The following KIF13A variants were observed in gnomAD, a reference collection of about 807,000 sequenced individuals.
The protein encoded by KIF13A is kinesin-like protein KIF13A.
In KIF13A, 79 loss-of-function variants were observed where a neutral mutation model predicts 212.2. That is an observed-to-expected ratio of 0.37 (90% CI 0.31 to 0.45). The LOEUF is 0.45. KIF13A is among the 20% of genes least tolerant of loss of function. KIF13A has a pLI of 1.00. For synonymous variants in KIF13A, 789 were observed against 808.6 expected (o/e 0.98, Z 0.41); for missense variants, 1,901 against 2,209.0 (o/e 0.86, Z 2.79).
intron 2 of KIF13A, among the ~76,000 whole-genome samples, chr6:17,952,953 C>T (rs10456815): frequency 0.057 from 8,589 of 149,506 alleles, 341 homozygotes; most frequent in East Asian, 0.19. Context: ...AGAAGCGAAG[C>T]GAAGAGGGGA....
chr6:17,779,702 A>G lies in KIF13A; in HGVS notation c.3847-18T>C. The stretch of plus-strand genomic sequence containing the variant: ...GTGAAACTCTAGTAGAAAAAAAAAA[A>G]AGCTGTATTAAGCTATGTGACAAAT... On this transcript the variant is annotated intron_variant, in intron 31 of 38. Coordinates refer to ENST00000259711, the MANE Select transcript of KIF13A (RefSeq NM_022113.6). 1 of 1,072,836 alleles carries G rather than the reference A, an allele frequency of 9.3e-7. No individual in the cohort carries two copies. The highest frequency in any genetic ancestry group is 1.4e-6 in the Non-Finnish European group (1 of 718,842). The allele number at this position is 1,072,836 out of a possible 1,614,324, so 66.5% of individuals were successfully genotyped here.
At chr6:17,863,928 C>T (rs1769104849) in intron 4 of KIF13A, among the ~76,000 whole-genome samples, 1 of 152,096 alleles carries the variant, frequency 6.6e-6, no homozygotes, top group Admixed American at 6.6e-5. Flanking sequence ...GCTGTTTACG[C>T]TGAGTGGTGG....
chr6:17,958,908 G>T (rs866236409), intron 2 of KIF13A, among the ~76,000 whole-genome samples: 39 of 122,892 alleles, frequency 3.2e-4, no homozygotes, highest in African/African-American at 1.2e-3. Context: ...TTGAGACAGG[G>T]TCTCACTCTG....
At chr6:17,955,633 C>G (rs1386197968) in intron 2 of KIF13A, among the ~76,000 whole-genome samples, 2 of 152,156 alleles carry the variant, frequency 1.3e-5, no homozygotes, top group African/African-American at 4.8e-5. Flanking sequence ...AGCAGTGCAA[C>G]TAATCTTAAT....
At position 17,865,326 on chromosome 6, in the gene KIF13A, GAAA is replaced by G. The variant is rs397750597; in HGVS notation, c.220+8048_220+8050del. Among the ~76,000 whole-genome samples, 3 of 112,892 alleles carry G rather than the reference GAAA, an allele frequency of 2.7e-5. No individual in the cohort carries two copies. The South Asian group carries it at 8.1e-4, about 31-fold the overall frequency. The allele number at this position is 112,892 out of a possible 152,430, so 74.1% of individuals were successfully genotyped here. A position where few individuals can be genotyped will look rare whatever the true frequency, so the allele number is the denominator to read the frequency against. ...TTGGAATCAGAGTAGAGAGAGAGAG[GAAA>G]AAAAAAAAATAAAGGCTGGGCTCAC... is the stretch of plus-strand genomic sequence containing the variant. On this transcript the variant is annotated intron_variant, in intron 4 of 38. Transcript: ENST00000259711.
chr6:17,974,904 G>A (rs936106043), intron 2 of KIF13A, among the ~76,000 whole-genome samples: 1 of 152,012 alleles, frequency 6.6e-6, no homozygotes, highest in Non-Finnish European at 1.5e-5. Context: ...GATCACATAG[G>A]GCTACTGGCT....
At position 17,856,600 on chromosome 6, in the gene KIF13A, T is replaced by C. The variant is rs946597211; in HGVS notation, c.221-478A>G. On this transcript the variant is annotated intron_variant, in intron 4 of 38. Coordinates refer to ENST00000259711, the MANE Select transcript of KIF13A (RefSeq NM_022113.6). This position sits in a 1 kb window ranked among gnomAD's most constrained non-coding sequence, Gnocchi z 4.5. ...TAGTTGCTGAGGATGGATTGACAACTTCAGCTGCTGTTTGTAGATTCACAG... is the reference window on the plus strand; with the variant it reads ...TAGTTGCTGAGGATGGATTGACAACCTCAGCTGCTGTTTGTAGATTCACAG... 2.6e-5 allele frequency among the ~76,000 whole-genome samples: 4 copies of C among 152,316 alleles called. No individual in the cohort carries two copies. Among genetic ancestry groups the C allele is most frequent in the Non-Finnish European group, 5.9e-5 (4 of 68,018 alleles).
intron 2 of KIF13A, among the ~76,000 whole-genome samples, chr6:17,952,104 C>A (rs1248208872): frequency 6.6e-6 from 1 of 151,646 alleles, no homozygotes; most frequent in Non-Finnish European, 1.5e-5. Flanking sequence ...GAGATGGAGA[C>A]CATGCTGGTT....
intron 4 of KIF13A, among the ~76,000 whole-genome samples, chr6:17,862,804 T>C (rs1388006934): frequency 6.6e-6 from 1 of 151,920 alleles, no homozygotes; most frequent in Non-Finnish European, 1.5e-5. Flanking sequence ...AAAAATTAGC[T>C]GGGCATGGTG....
chr6:17,849,538 A>C lies in KIF13A; in HGVS notation c.718-49T>G. 1 of 1,311,372 alleles carries C rather than the reference A, an allele frequency of 7.6e-7. No homozygotes were observed. Among genetic ancestry groups the C allele is most frequent in the Admixed American group, 1.9e-5 (1 of 54,038 alleles). 81.2% of individuals were successfully genotyped at this position (1,311,372 alleles called of 1,614,324 possible). ...GAAGAAAAACTTATCAATAAAAACCACATGGATATCTACATATATGTTAGC... is the reference window on the plus strand; with the variant it reads ...GAAGAAAAACTTATCAATAAAAACCCCATGGATATCTACATATATGTTAGC... On this transcript the variant is annotated intron_variant, in intron 8 of 38. Transcript: ENST00000259711. The surrounding 1 kb of genome is among the most constrained non-coding windows in gnomAD (Gnocchi z 5.7).
intron 3 of KIF13A, among the ~76,000 whole-genome samples, chr6:17,882,310 C>G (rs994519094): frequency 1.3e-5 from 2 of 152,142 alleles, no homozygotes; most frequent in African/African-American, 4.8e-5. Flanking sequence ...TGCTTACAGT[C>G]TAGTTAAAAA....
In KIF13A at chr6:17,788,828, G is replaced by A. The variant is rs550086322; in HGVS notation, c.3262-953C>T. ...CAACCTCTGCCTCCTAGGTTTAAGCGATTCTCCTGCCTCAGCCTCCCGAGT... is the reference window on the plus strand; with the variant it reads ...CAACCTCTGCCTCCTAGGTTTAAGCAATTCTCCTGCCTCAGCCTCCCGAGT... On this transcript the variant is annotated intron_variant, in intron 26 of 38. Coordinates refer to ENST00000259711, the MANE Select transcript of KIF13A (RefSeq NM_022113.6). Among the ~76,000 whole-genome samples, 5 of 152,200 alleles carry A rather than the reference G, an allele frequency of 3.3e-5. No homozygotes were observed. The South Asian group carries it at 8.3e-4, about 25-fold the overall frequency.
intron 3 of KIF13A, among the ~76,000 whole-genome samples, chr6:17,874,999 G>GCGCACACACACA (rs913365480): frequency 1.7e-5 from 2 of 120,266 alleles, no homozygotes; most frequent in Non-Finnish European, 3.6e-5. Context: ...ACACGCACAC[G>GCGCACACACACA]CACGCACACA....
rs1286441894 is a variant in KIF13A, at chr6:17,837,613, A to G, written c.831-30T>C. 1 of 1,390,832 alleles carries G rather than the reference A, an allele frequency of 7.2e-7. No homozygotes were observed. The highest frequency in any genetic ancestry group is 2.4e-5 in the East Asian group (1 of 41,260). The allele number at this position is 1,390,832 out of a possible 1,614,324, so 86.2% of individuals were successfully genotyped here. A position where few individuals can be genotyped will look rare whatever the true frequency, so the allele number is the denominator to read the frequency against. On this transcript the variant is annotated intron_variant, in intron 9 of 38. Coordinates refer to ENST00000259711, the MANE Select transcript of KIF13A (RefSeq NM_022113.6). This position sits in a 1 kb window ranked among gnomAD's most constrained non-coding sequence, Gnocchi z 5.4. ...CAAGAAAAAATGAAAAATTAGTTTT[A>G]TGGAATGTTTATTTGGTTTAAGTAT...
chr6:17,797,387 C>T (rs149507521), intron 22 of KIF13A, among the ~76,000 whole-genome samples: 17 of 152,184 alleles, frequency 1.1e-4, no homozygotes, highest in African/African-American at 2.6e-4. Flanking sequence ...CAAAGTCATA[C>T]GGTTTGTTAG....
chr6:17,866,826 CGCATATATATAT>C (rs1261480460), intron 4 of KIF13A, among the ~76,000 whole-genome samples: 2,509 of 121,944 alleles, frequency 0.021, 113 homozygotes, highest in South Asian at 0.026. Context: ...AAAAAAGCAG[CGCATATATATAT>C]ATATATATAT....
intron 2 of KIF13A, among the ~76,000 whole-genome samples, chr6:17,970,995 G>A (rs1561819915): frequency 1.3e-5 from 2 of 152,062 alleles, no homozygotes; most frequent in African/African-American, 4.8e-5. Flanking sequence ...ATTTTATTTC[G>A]GCTTTTAAAA....
Position 17,871,556 on chromosome 6 carries a change from A to T in KIF13A, c.220+1821T>A, listed in dbSNP as rs58961654. ...GTTGGGGGGGGAGTCATGAATACTT[A>T]AAAAATTATTGTGAGACTTTCTGGC... is the stretch of plus-strand genomic sequence containing the variant. On this transcript the variant is annotated intron_variant, in intron 4 of 38. Transcript: ENST00000259711. The surrounding 1 kb of genome is among the most constrained non-coding windows in gnomAD (Gnocchi z 4.4). 5.8e-3 allele frequency among the ~76,000 whole-genome samples: 884 copies of T among 152,250 alleles called. 6 individuals are homozygous for T. The highest frequency in any genetic ancestry group is 0.02 in the African/African-American group (837 of 41,544).
chr6:17,886,864 T>C lies in KIF13A; in HGVS notation c.159+11304A>G, dbSNP rs978332583. 2.0e-5 allele frequency among the ~76,000 whole-genome samples: 3 copies of C among 151,928 alleles called. No homozygotes were observed. The highest frequency in any genetic ancestry group is 6.6e-5 in the Admixed American group (1 of 15,244). The stretch of plus-strand genomic sequence containing the variant: ...CACCACCACCCTATGTTTCTGAGGA[T>C]TGTTTTGTTGTCGTTGTTAAAAAGA... On this transcript the variant is annotated intron_variant, in intron 3 of 38. Transcript: ENST00000259711. This position sits in a 1 kb window ranked among gnomAD's most constrained non-coding sequence, Gnocchi z 5.6.
Sources: allele counts gnomAD v4.1 joint callset (sites outside exome capture counted in the v4.1 genomes callset), GRCh38; gene constraint gnomAD v4.1.1; non-coding constraint Gnocchi (gnomAD v3.1); transcripts MANE v1.5; gene names NCBI Gene and HGNC (gene_info 2026-07-23, HGNC 2026-07-21).